ACOT7: variants seen among roughly 807,000 people sequenced by gnomAD.
ACOT7 encodes acyl-CoA thioesterase 7, also known as cytosolic acyl coenzyme A thioester hydrolase.
A neutral mutation model predicts 40.2 loss-of-function variants in ACOT7; 12 were observed. The ratio of observed to expected loss-of-function variants is 0.30; its 90% CI spans 0.19 to 0.48. ACOT7 has a LOEUF of 0.48. Ranked by LOEUF, ACOT7 falls within the 20% of genes least tolerant of loss-of-function variation. The pLI, the probability that ACOT7 is intolerant of heterozygous loss-of-function variation, is 0.99. For missense variants in ACOT7, 395 were observed against 530.8 expected (o/e 0.74, Z 2.51); for synonymous variants, 228 against 219.5 (o/e 1.04, Z -0.34).
intron 1 of ACOT7, among the ~76,000 whole-genome samples, chr1:6,373,503 G>A (rs1642172229): frequency 6.6e-6 from 1 of 151,772 alleles, no homozygotes; most frequent in African/African-American, 2.4e-5. Context: ...CGCCTGCCTC[G>A]GCCTCCCAAA....
At chr1:6,346,720 G>A (rs1050084204) in intron 2 of ACOT7, among the ~76,000 whole-genome samples, 3 of 152,240 alleles carry the variant, frequency 2.0e-5, no homozygotes, top group Non-Finnish European at 2.9e-5. Flanking sequence ...CCTGCCAGGA[G>A]GCTGCTGCAG....
At chr1:6,372,554 C>CTTTTTTTTTTTTTTT (rs563026803) in intron 1 of ACOT7, among the ~76,000 whole-genome samples, 1 of 128,582 alleles carries the variant, frequency 7.8e-6, no homozygotes. Flanking sequence ...TAACTTTTGG[C>CTTTTTTTTTTTTTTT]TTTTTTTTTT....
Position 6,382,154 on chromosome 1 carries a change from G to A in ACOT7, c.143+11103C>T, listed in dbSNP as rs1346055245. 2.2e-5 allele frequency among the ~76,000 whole-genome samples: 3 copies of A among 135,572 alleles called. No individual in the cohort carries two copies. The East Asian group carries it at 6.6e-4, about 30-fold the overall frequency. The allele number at this position is 135,572 out of a possible 152,430, so 88.9% of individuals were successfully genotyped here. A position where few individuals can be genotyped will look rare whatever the true frequency, so the allele number is the denominator to read the frequency against. On this transcript the variant is annotated intron_variant, in intron 1 of 8. Transcript: ENST00000361521. ...CTTGGCCGGGCGCGGTGGCTCACGC[G>A]TGTAATCCCAACACTTTGGGAGGCC...
chr1:6,341,274 T>A lies in ACOT7; in HGVS notation c.262-1685A>T, dbSNP rs74317974. On this transcript the variant is annotated intron_variant, in intron 2 of 8. Coordinates refer to ENST00000361521, the MANE Select transcript of ACOT7 (RefSeq NM_007274.4). ...CTCCTGCCTCAGCCTCCTGAGTAGC[T>A]GGGATTACAGATGTGCACCACCACG... Among the ~76,000 whole-genome samples the A allele has an allele frequency of 7.8e-3, 1,188 of 151,698 alleles. 109 individuals carry two copies. The East Asian group carries it at 0.22, about 28-fold the overall frequency.
chr1:6,354,394 G>C (rs1215866978), intron 1 of ACOT7, among the ~76,000 whole-genome samples: 1 of 152,262 alleles, frequency 6.6e-6, no homozygotes, highest in Admixed American at 6.5e-5. Context: ...GGAGTGCCCA[G>C]CGAGCTCCAG....
chr1:6,311,975 G>A lies in ACOT7; in HGVS notation c.712+6517C>T, dbSNP rs1640343573. Among the ~76,000 whole-genome samples the A allele has an allele frequency of 6.6e-6, 1 of 152,174 alleles. No individual in the cohort carries two copies. The highest frequency in any genetic ancestry group is 2.1e-4 in the South Asian group (1 of 4,832). On this transcript the variant is annotated intron_variant, in intron 6 of 8. Transcript: ENST00000361521. The surrounding 1 kb of genome is among the most constrained non-coding windows in gnomAD (Gnocchi z 5.2). ...AGAGTTCCCCAAGTGACCTTAATAG[G>A]CAGCAGAGACGAGGTCACAGATCCA...
In ACOT7 at chr1:6,393,487, C is replaced by T. The variant is rs1171733714; in HGVS notation, c.-88G>A. The T allele has an allele frequency of 5.3e-6, 6 of 1,133,962 alleles. No individual in the cohort carries two copies. Among genetic ancestry groups the T allele is most frequent in the Non-Finnish European group, 6.6e-6 (6 of 904,840 alleles). 70.2% of individuals were successfully genotyped at this position (1,133,962 alleles called of 1,614,324 possible). On this transcript the variant is annotated 5_prime_UTR_variant, in exon 1 of 9. Coordinates refer to ENST00000361521, the MANE Select transcript of ACOT7 (RefSeq NM_007274.4). ...ATCGAACGCGGCCTCCCCGCGCCGA[C>T]CCCGCCCCCGCGCCGGCCCCACCCC...
intron 1 of ACOT7, among the ~76,000 whole-genome samples, chr1:6,378,923 TC>T (rs1473884651): frequency 6.6e-6 from 1 of 151,418 alleles, no homozygotes; most frequent in East Asian, 1.9e-4. Context: ...TGAGACGGAG[TC>T]TTGCTCTGTT....
In ACOT7 at chr1:6,275,162, A is replaced by T. The variant is rs571923302; in HGVS notation, c.1014+5940T>A. Among the ~76,000 whole-genome samples, 1 of 152,280 alleles carries T rather than the reference A, an allele frequency of 6.6e-6. No homozygotes were observed. Among genetic ancestry groups the T allele is most frequent in the African/African-American group, 2.4e-5 (1 of 41,576 alleles). On this transcript the variant is annotated intron_variant, in intron 8 of 8. Transcript: ENST00000361521. The surrounding 1 kb of genome is among the most constrained non-coding windows in gnomAD (Gnocchi z 5.6). ...GACCTGTACCCAGGCACCACCCAAG[A>T]GGAAGCCTCCCCTGCCCCTCCAGTC...
intron 1 of ACOT7, among the ~76,000 whole-genome samples, 159 bp downstream of exon 1, chr1:6,393,098 G>C (rs1181758710): frequency 6.6e-6 from 1 of 150,778 alleles, no homozygotes; most frequent in African/African-American, 2.4e-5. Flanking sequence ...TCGCATCCCG[G>C]CCGGGCGGGC....
At chr1:6,281,738 AC>A (rs373872191) in intron 7 of ACOT7, among the ~76,000 whole-genome samples, 35 of 152,308 alleles carry the variant, frequency 2.3e-4, no homozygotes, top group African/African-American at 8.4e-4. Flanking sequence ...CACCGGAGCC[AC>A]AGCTGCCCCA....
At position 6,302,000 on chromosome 1, in the gene ACOT7, T is replaced by A. The variant is rs1313384030; in HGVS notation, c.713-7020A>T. ...TAACGATGGAAAAGGCCAAGACTGG[T>A]GGATGGAGTCAGTGCTATTCTGGGG... On this transcript the variant is annotated intron_variant, in intron 6 of 8. Coordinates refer to ENST00000361521, the MANE Select transcript of ACOT7 (RefSeq NM_007274.4). This position sits in a 1 kb window ranked among gnomAD's most constrained non-coding sequence, Gnocchi z 4.1. 2.0e-5 allele frequency among the ~76,000 whole-genome samples: 3 copies of A among 152,270 alleles called. No individual in the cohort carries two copies. The highest frequency in any genetic ancestry group is 4.8e-5 in the African/African-American group (2 of 41,562).
At chr1:6,269,491 A>G (rs1315976463) in intron 8 of ACOT7, among the ~76,000 whole-genome samples, 3 of 152,174 alleles carry the variant, frequency 2.0e-5, no homozygotes, top group South Asian at 2.1e-4. Flanking sequence ...AGCATTCCCA[A>G]TGCCACAGGC....
chr1:6,339,740 T>TTG, intron 2 of ACOT7, 151 bp from the exon 3 acceptor site: 1 of 236,456 alleles, frequency 4.2e-6, no homozygotes, highest in Non-Finnish European at 6.1e-6. Flanking sequence ...GGCACCGCGG[T>TTG]TTTTTTTTTT....
chr1:6,291,263 C>T (rs1639655732), intron 7 of ACOT7, among the ~76,000 whole-genome samples: 1 of 152,000 alleles, frequency 6.6e-6, no homozygotes, highest in African/African-American at 2.4e-5. Context: ...CCAGGTGTGT[C>T]CTAAATCCTA....
In ACOT7 at chr1:6,275,726, A is replaced by G. The variant is rs1202279346; in HGVS notation, c.1014+5376T>C. ...AGTGAGGCTCCGTCTCAAAAAAAAA[A>G]AAAAAAAAAAAAAAAGATGGCCGCA... On this transcript the variant is annotated intron_variant, in intron 8 of 8. Coordinates refer to ENST00000361521, the MANE Select transcript of ACOT7 (RefSeq NM_007274.4). This position sits in a 1 kb window ranked among gnomAD's most constrained non-coding sequence, Gnocchi z 5.6. Among the ~76,000 whole-genome samples, 1 of 150,932 alleles carries G rather than the reference A, an allele frequency of 6.6e-6. No individual in the cohort carries two copies. Among genetic ancestry groups the G allele is most frequent in the African/African-American group, 2.4e-5 (1 of 40,950 alleles).
intron 3 of ACOT7, among the ~76,000 whole-genome samples, chr1:6,335,275 C>T (rs1238376900): frequency 6.8e-6 from 1 of 147,178 alleles, no homozygotes; most frequent in Non-Finnish European, 1.5e-5. Context: ...TGCGGTGAGC[C>T]GAGATGGCGC....
intron 1 of ACOT7, among the ~76,000 whole-genome samples, chr1:6,369,915 A>G (rs557239666): frequency 1.3e-5 from 2 of 152,304 alleles, no homozygotes; most frequent in South Asian, 2.1e-4. Context: ...TCCTTGATCC[A>G]TAGGTTGCAG....
chr1:6,385,569 C>A (rs767747865), intron 1 of ACOT7: 1 of 1,612,204 alleles, frequency 6.2e-7, no homozygotes, highest in African/African-American at 1.3e-5. Flanking sequence ...GCAGCACCCT[C>A]GCCGGGGCCC....
Sources: allele counts gnomAD v4.1 joint callset (sites outside exome capture counted in the v4.1 genomes callset), GRCh38; gene constraint gnomAD v4.1.1; non-coding constraint Gnocchi (gnomAD v3.1); transcripts MANE v1.5; gene names NCBI Gene and HGNC (gene_info 2026-07-23, HGNC 2026-07-21).